Variants in TMX4 observed in about 807,000 individuals in gnomAD.
TMX4 encodes thioredoxin-related transmembrane protein 4.
A neutral mutation model predicts 33.3 loss-of-function variants in TMX4; 23 were observed. The observed-to-expected ratio is 0.69, with a 90% CI of 0.50 to 0.98. The LOEUF is 0.98. TMX4 is among the 50% of genes least tolerant of loss of function. The probability of loss-of-function intolerance (pLI) is 0.00; values close to 1 mark genes in which losing one functional copy is unlikely to be tolerated. For missense variants in TMX4, 399 were observed against 448.9 expected (o/e 0.89, Z 1.01); for synonymous variants, 164 against 161.5 (o/e 1.02, Z -0.12).
intron 1 of TMX4, among the ~76,000 whole-genome samples, chr20:8,017,093 A>T (rs1417348334): frequency 6.6e-6 from 1 of 151,936 alleles, no homozygotes; most frequent in Non-Finnish European, 1.5e-5. Flanking sequence ...TATTTTTTTA[A>T]GTACTGGAGT....
chr20:7,989,371 C>G (rs189642918), intron 5 of TMX4, among the ~76,000 whole-genome samples: 2 of 152,178 alleles, frequency 1.3e-5, no homozygotes, highest in East Asian at 3.8e-4. Context: ...TCCTTCTATA[C>G]AGTATCTCAT....
intron 5 of TMX4, among the ~76,000 whole-genome samples, chr20:7,988,458 C>T (rs2050639932): frequency 6.6e-6 from 1 of 152,160 alleles, no homozygotes; most frequent in African/African-American, 2.4e-5. Context: ...AAGAACAAAG[C>T]TTGTAAACTG....
In TMX4 at chr20:7,980,845, G is replaced by A. The variant is rs2050602388; in HGVS notation, c.*1406C>T. ...CGTGCTCACAATTAATACAAGGAAA[G>A]GGTTATCTAAACAGCCAGATAGAAA... On this transcript the variant is annotated 3_prime_UTR_variant, in exon 8 of 8. Transcript: ENST00000246024. 6.6e-6 allele frequency: 1 copy of A among 152,172 alleles called. No homozygotes were observed. Among genetic ancestry groups the A allele is most frequent in the African/African-American group, 2.4e-5 (1 of 41,444 alleles). The allele number at this position is 152,172 out of a possible 1,614,324, so 9.4% of individuals were successfully genotyped here.
At chr20:8,012,476 A>C (rs2050756927) in intron 1 of TMX4, among the ~76,000 whole-genome samples, 3 of 152,140 alleles carry the variant, frequency 2.0e-5, no homozygotes, top group Admixed American at 6.5e-5. Flanking sequence ...GCTTAAGACC[A>C]CTCAGAGCAA....
chr20:8,006,486 T>C lies in TMX4; in HGVS notation c.292+3714A>G, dbSNP rs139630649. Among the ~76,000 whole-genome samples the C allele has an allele frequency of 4.5e-3, 680 of 152,298 alleles. 7 individuals are homozygous for C. Among genetic ancestry groups the C allele is most frequent in the African/African-American group, 0.014 (601 of 41,554 alleles). On this transcript the variant is annotated intron_variant, in intron 2 of 7. Transcript: ENST00000246024. ...ATCTGCAACCAAATAGAAATTTGTA[T>C]ACAGAAATACACAGTAAAGTGCTCA... is the stretch of plus-strand genomic sequence containing the variant.
At chr20:8,006,232 G>A (rs957829646) in intron 2 of TMX4, among the ~76,000 whole-genome samples, 1 of 152,216 alleles carries the variant, frequency 6.6e-6, no homozygotes, top group Non-Finnish European at 1.5e-5. Flanking sequence ...TGTGAGGGAA[G>A]AAGGGAACTT....
At chr20:7,987,633 C>T (rs2050636668) in intron 5 of TMX4, among the ~76,000 whole-genome samples, 1 of 152,072 alleles carries the variant, frequency 6.6e-6, no homozygotes, top group Admixed American at 6.6e-5. Flanking sequence ...CTGGTAGAAT[C>T]GTTTTGATAG....
At position 7,985,024 on chromosome 20, in the gene TMX4, T is replaced by G. The variant is rs374863805; in HGVS notation, c.616-1167A>C. Among the ~76,000 whole-genome samples, 13 of 152,184 alleles carry G rather than the reference T, an allele frequency of 8.5e-5. No homozygotes were observed. In the South Asian group the frequency reaches 2.5e-3, roughly 29 times the overall value. ...GACATGAAAACAATTGACAAACACT[T>G]TTCTATCATCCTAGAAGTTAACAAA... On this transcript the variant is annotated intron_variant, in intron 6 of 7. Transcript: ENST00000246024.
At chr20:7,991,254 C>T (rs977838467) in intron 5 of TMX4, among the ~76,000 whole-genome samples, 2 of 152,174 alleles carry the variant, frequency 1.3e-5, no homozygotes, top group Admixed American at 1.3e-4. Context: ...ACGACAGTAA[C>T]ATTTAGGAAA....
chr20:8,004,326 C>A (rs191428169), intron 2 of TMX4, among the ~76,000 whole-genome samples: 9 of 152,244 alleles, frequency 5.9e-5, no homozygotes, highest in Admixed American at 5.9e-4. Context: ...GGTTTAATAA[C>A]ATTAAGTTAA....
intron 1 of TMX4, among the ~76,000 whole-genome samples, chr20:8,012,572 A>G (rs1212033231): frequency 6.6e-6 from 1 of 152,164 alleles, no homozygotes; most frequent in Non-Finnish European, 1.5e-5. Context: ...GTTATAAGAA[A>G]GTAACAAGAA....
At chr20:7,983,897 C>T (rs752090283) in intron 6 of TMX4, 40 bp from the exon 7 acceptor site, 1 of 1,505,920 alleles carries the variant, frequency 6.6e-7, no homozygotes, top group African/African-American at 1.4e-5. Context: ...ATAGATAGGA[C>T]ATTTATTACC....
At chr20:8,008,003 G>T (rs927018341) in intron 2 of TMX4, among the ~76,000 whole-genome samples, 7 of 152,146 alleles carry the variant, frequency 4.6e-5, no homozygotes, top group Non-Finnish European at 8.8e-5. Context: ...TGTATCACTG[G>T]TATCTAGAAC....
chr20:8,003,621 A>G (rs1311980113), intron 2 of TMX4, among the ~76,000 whole-genome samples: 1 of 152,166 alleles, frequency 6.6e-6, no homozygotes, highest in Non-Finnish European at 1.5e-5. Context: ...ATCTTTACAA[A>G]TAAATGTACT....
At chr20:8,015,124 T>C (rs1040964812) in intron 1 of TMX4, among the ~76,000 whole-genome samples, 8 of 152,262 alleles carry the variant, frequency 5.3e-5, no homozygotes, top group African/African-American at 1.7e-4. Context: ...CATGTAACTA[T>C]GAACTGTGAT....
intron 2 of TMX4, among the ~76,000 whole-genome samples, chr20:8,002,618 C>T (rs77557954): frequency 0.014 from 2,085 of 152,240 alleles, 54 homozygotes; most frequent in East Asian, 0.065. Context: ...CACTGTAGAA[C>T]AATGTGGACA....
chr20:7,983,813 C>T lies in TMX4; in HGVS notation c.660G>A (p.Arg220=), dbSNP rs1031927026. The T allele has an allele frequency of 6.2e-7, 1 of 1,613,424 alleles. No homozygotes were observed. The highest frequency in any genetic ancestry group is 8.5e-7 in the Non-Finnish European group (1 of 1,179,756). ...ISECFYVPLP[R]HLSERSEQNR... ...ACTTACCAGAACGCTCAGATAAATG[C>T]CTTGGAAGTGGCACATAGAAACATT... The change falls in exon 7 of 8, where the codon AGG becomes AGA. Residue 220 remains arginine (R), a synonymous_variant. Transcript: ENST00000246024.
At chr20:8,014,445 C>G (rs1464321031) in intron 1 of TMX4, among the ~76,000 whole-genome samples, 1 of 152,126 alleles carries the variant, frequency 6.6e-6, no homozygotes, top group Non-Finnish European at 1.5e-5. Flanking sequence ...ACTCATTTAC[C>G]TAGTCACAAA....
Position 8,019,500 on chromosome 20 carries a change from C to T in TMX4, c.114G>A (p.Arg38=). Residue 38 remains arginine, a synonymous_variant, in exon 1 of 8, where the codon CGG becomes CGA. Coordinates refer to ENST00000246024, the MANE Select transcript of TMX4 (RefSeq NM_021156.4). ...AGTTGGAGGCGGTCATGGGCTGGAC[C>T]CGGCTCTGCTCCGGCGGCAGCGCGG... The part of the protein sequence containing the change: ...EEAALPPEQS[R]VQPMTASNWT... The T allele has an allele frequency of 2.7e-6, 4 of 1,508,318 alleles. No homozygotes were observed. Among genetic ancestry groups the T allele is most frequent in the Non-Finnish European group, 3.5e-6 (4 of 1,128,572 alleles). 93.4% of individuals were successfully genotyped at this position (1,508,318 alleles called of 1,614,324 possible). A position where few individuals can be genotyped will look rare whatever the true frequency, so the allele number is the denominator to read the frequency against.
Sources: gnomAD v4.1 joint callset for allele counts (sites outside exome capture counted in the v4.1 genomes callset) on GRCh38, gnomAD v4.1.1 for gene constraint, MANE v1.5 for transcripts, NCBI Gene and HGNC (gene_info 2026-07-23, HGNC 2026-07-21) for gene names.